MCM9: variants seen among roughly 807,000 people sequenced by gnomAD.
The protein encoded by MCM9 is minichromosome maintenance 9 homologous recombination repair factor.
MCM9 carries 55 observed loss-of-function variants against 72.8 expected under a neutral mutation model. That is an observed-to-expected ratio of 0.76 (90% CI 0.61 to 0.95). The LOEUF (loss-of-function observed/expected upper bound fraction) is 0.95. Among genes scored for constraint, MCM9 ranks in the 40% least tolerant of loss-of-function variants. The probability of loss-of-function intolerance (pLI) is 0.00; values close to 1 mark genes in which losing one functional copy is unlikely to be tolerated. For missense variants in MCM9, 1,279 were observed against 1,377.0 expected (o/e 0.93, Z 1.13); for synonymous variants, 480 against 503.4 (o/e 0.95, Z 0.62).
At chr6:118,820,342 A>G (rs1408719869) in intron 13 of MCM9, among the ~76,000 whole-genome samples, 2 of 152,190 alleles carry the variant, frequency 1.3e-5, no homozygotes, top group Non-Finnish European at 2.9e-5. Context: ...CATTGGTTTC[A>G]AAGAACTTAT....
At chr6:118,886,754 G>T (rs899506592) in intron 8 of MCM9, among the ~76,000 whole-genome samples, 11 of 152,234 alleles carry the variant, frequency 7.2e-5, no homozygotes, top group African/African-American at 2.6e-4. Flanking sequence ...AGGAGTTTGA[G>T]ACCAGCTTGG....
chr6:118,921,979 C>A, intron 5 of MCM9, 26 bp downstream of exon 5: 1 of 1,577,998 alleles, frequency 6.3e-7, no homozygotes, highest in Non-Finnish European at 8.7e-7. Flanking sequence ...CCTACACAAG[C>A]TAAAAAAAAA....
At chr6:118,933,337 A>T (rs1476149632) in intron 1 of MCM9, among the ~76,000 whole-genome samples, 1 of 150,358 alleles carries the variant, frequency 6.7e-6, no homozygotes, top group Non-Finnish European at 1.5e-5. Context: ...GTTCTCTACT[A>T]AAAAAAAATA....
intron 8 of MCM9, among the ~76,000 whole-genome samples, chr6:118,870,582 A>T (rs1224189094): frequency 6.6e-6 from 1 of 152,170 alleles, no homozygotes. Flanking sequence ...AGGGACTAGA[A>T]AAAGAATAAT....
intron 1 of MCM9, among the ~76,000 whole-genome samples, chr6:118,933,571 G>A (rs2083751144): frequency 6.6e-6 from 1 of 151,896 alleles, no homozygotes; most frequent in African/African-American, 2.4e-5. Context: ...GAGAAGAGGT[G>A]TACTTAAATT....
At position 118,819,084 on chromosome 6, in the gene MCM9, C is replaced by T. The variant is rs189702403; in HGVS notation, c.1962-2790G>A. Among the ~76,000 whole-genome samples, 182 of 151,406 alleles carry T rather than the reference C, an allele frequency of 1.2e-3. 1 individual carries two copies. Among genetic ancestry groups the T allele is most frequent in the African/African-American group, 4.3e-3 (175 of 40,778 alleles). On this transcript the variant is annotated intron_variant, in intron 13 of 13. Coordinates refer to ENST00000619706, the MANE Select transcript of MCM9 (RefSeq NM_017696.3). ...CTGCAAACAGAGACAATTTAGCTTC[C>T]TCTCTTCCTATATGAATATCCTTTA...
At chr6:118,900,096 GTATACTC>G (rs1459766965) in intron 8 of MCM9, among the ~76,000 whole-genome samples, 1 of 152,148 alleles carries the variant, frequency 6.6e-6, no homozygotes, top group African/African-American at 2.4e-5. Context: ...TCTCCACTGT[GTATACTC>G]TATTGTATCA....
chr6:118,846,533 C>A (rs969577536), intron 9 of MCM9, among the ~76,000 whole-genome samples: 1 of 151,730 alleles, frequency 6.6e-6, no homozygotes, highest in Non-Finnish European at 1.5e-5. Flanking sequence ...GGAGAATAGA[C>A]AGAGGGGCCT....
intron 8 of MCM9, among the ~76,000 whole-genome samples, chr6:118,867,400 C>T (rs765587419): frequency 2.0e-5 from 3 of 152,106 alleles, no homozygotes; most frequent in Non-Finnish European, 2.9e-5. Context: ...TGTACTGCTC[C>T]GTTAGTCATA....
At chr6:118,899,927 A>T (rs1018736781) in intron 8 of MCM9, among the ~76,000 whole-genome samples, 2 of 152,236 alleles carry the variant, frequency 1.3e-5, no homozygotes, top group Admixed American at 6.5e-5. Context: ...TTACAAAGTT[A>T]TCTTCTTCCT....
Position 118,815,618 on chromosome 6 carries a change from G to T in MCM9, c.2638C>A (p.Pro880Thr). 1 of 1,550,504 alleles carries T rather than the reference G, an allele frequency of 6.4e-7. No individual in the cohort carries two copies. The highest frequency in any genetic ancestry group is 8.7e-7 in the Non-Finnish European group (1 of 1,146,952). Residue 880 changes from proline to threonine, a missense_variant, in exon 14 of 14, where the codon CCT (proline) becomes ACT (threonine). Physicochemically the swap from Pro to Thr is conservative, Grantham distance 38 (BLOSUM62 -1). Transcript: ENST00000619706. ...AGCATTCTGTCTGGGCTATGTACAG[G>T]AGTGGACTGAGGATGGGAAGGGACT... ...CTVPSHPQST[P>T]VHSPDRMLDS...
At chr6:118,917,229 G>C (rs1359220329) in intron 6 of MCM9, among the ~76,000 whole-genome samples, 1 of 152,166 alleles carries the variant, frequency 6.6e-6, no homozygotes, top group Non-Finnish European at 1.5e-5. Flanking sequence ...GGCTTTAATA[G>C]GATGAGGGTT....
At chr6:118,831,340 CAAA>C (rs869238859) in intron 9 of MCM9, among the ~76,000 whole-genome samples, 1 of 71,412 alleles carries the variant, frequency 1.4e-5, no homozygotes, top group Non-Finnish European at 2.8e-5. Flanking sequence ...GAGACCATCT[CAAA>C]AAAAAAAAAA....
At chr6:118,852,857 C>T (rs1343315134) in intron 9 of MCM9, among the ~76,000 whole-genome samples, 1 of 152,146 alleles carries the variant, frequency 6.6e-6, no homozygotes, top group East Asian at 1.9e-4. Flanking sequence ...ACAGTTTAGC[C>T]TTTTGTAGCA....
At chr6:118,922,630 A>T (rs1211582817) in intron 4 of MCM9, among the ~76,000 whole-genome samples, 3 of 152,248 alleles carry the variant, frequency 2.0e-5, no homozygotes, top group Non-Finnish European at 4.4e-5. Flanking sequence ...AGAATTGGTT[A>T]GGTGGTAGGC....
intron 9 of MCM9, among the ~76,000 whole-genome samples, chr6:118,839,194 C>CTTTCT (rs1384457484): frequency 6.6e-6 from 1 of 151,650 alleles, no homozygotes; most frequent in African/African-American, 2.4e-5. Flanking sequence ...CTCTGATATC[C>CTTTCT]TTTCTTCTGC....
chr6:118,849,095 C>G (rs1776068204), intron 9 of MCM9, among the ~76,000 whole-genome samples: 1 of 151,732 alleles, frequency 6.6e-6, no homozygotes, highest in Non-Finnish European at 1.5e-5. Context: ...TTCTACGCTG[C>G]ATACAAAAGA....
chr6:118,869,375 G>A (rs1023417010), intron 8 of MCM9, among the ~76,000 whole-genome samples: 6 of 151,966 alleles, frequency 3.9e-5, no homozygotes, highest in African/African-American at 7.3e-5. Flanking sequence ...AAACCTGCAC[G>A]TTGTGCACAT....
chr6:118,814,966 C>T lies in MCM9; in HGVS notation c.3290G>A (p.Arg1097His), dbSNP rs748037160. The T allele has an allele frequency of 5.8e-6, 9 of 1,550,240 alleles. No homozygotes were observed. The highest frequency in any genetic ancestry group is 5.5e-5 in the African/African-American group (4 of 72,952). ...SSPPTTTAPMRVSKRKSFQLR... is the reference protein window; with the variant it reads ...SSPPTTTAPMHVSKRKSFQLR... Reference sequence around the variant, plus strand: ...CTGAAAAGATTTCCTTTTACTGACACGCATTGGAGCTGTGGTTGTAGGAGG... The same window carrying T: ...CTGAAAAGATTTCCTTTTACTGACATGCATTGGAGCTGTGGTTGTAGGAGG... The change falls in exon 14 of 14, where the codon CGT (arginine) becomes CAT (histidine). Residue 1097 changes from arginine (R) to histidine (H), a missense_variant. Transcript: ENST00000619706.
Sources: gnomAD v4.1 joint callset for allele counts (sites outside exome capture counted in the v4.1 genomes callset) on GRCh38, gnomAD v4.1.1 for gene constraint, MANE v1.5 for transcripts, NCBI Gene and HGNC (gene_info 2026-07-23, HGNC 2026-07-21) for gene names.